Variants in TTC3 observed in about 807,000 individuals in gnomAD.
TTC3 encodes E3 ubiquitin-protein ligase TTC3.
Under a neutral mutation model 249.6 loss-of-function variants are expected in TTC3, and 180 were observed. The observed-to-expected ratio is 0.72, with a 90% CI of 0.64 to 0.82. The LOEUF is 0.82. Among genes scored for constraint, TTC3 ranks in the 40% least tolerant of loss-of-function variants. TTC3 has a pLI of 0.00. For missense variants in TTC3, 2,061 were observed against 2,398.4 expected, an observed-to-expected ratio of 0.86 and a Z score of 2.94; for synonymous variants, 717 against 805.0, an observed-to-expected ratio of 0.89 and a Z score of 1.85.
chr21:37,160,180 A>T (rs537434842), intron 29 of TTC3, among the ~76,000 whole-genome samples: 3 of 152,252 alleles, frequency 2.0e-5, no homozygotes, highest in Non-Finnish European at 4.4e-5. Context: ...AGTAGTTTGC[A>T]GTTGCCTTTT....
intron 1 of TTC3, chr21:37,083,157 C>T: frequency 1.0e-6 from 1 of 985,256 alleles, no homozygotes; most frequent in Non-Finnish European, 1.2e-6. Flanking sequence ...GAAATGCTTC[C>T]TGAAATTGAG....
Position 37,106,157 on chromosome 21 carries a change from A to G in TTC3, c.846-2235A>G, listed in dbSNP as rs554409156. On this transcript the variant is annotated intron_variant, in intron 10 of 45. Transcript: ENST00000355666. ...GTGATTATAATTTGTATTTTCATAA[A>G]TTGATTAAGGATGTTTCAGATTTTC... 1.5e-3 allele frequency among the ~76,000 whole-genome samples: 223 copies of G among 152,250 alleles called. 2 individuals are homozygous for G. The highest frequency in any genetic ancestry group is 4.9e-3 in the African/African-American group (204 of 41,554).
At chr21:37,125,021 T>C (rs761681513) in intron 14 of TTC3, among the ~76,000 whole-genome samples, 1 of 152,246 alleles carries the variant, frequency 6.6e-6, no homozygotes, top group Non-Finnish European at 1.5e-5. Context: ...TTGTATCTTT[T>C]CCCTTCGGTT....
At chr21:37,093,550 A>T (rs1260928107) in intron 7 of TTC3, 1 of 152,788 alleles carries the variant, frequency 6.5e-6, no homozygotes, top group Non-Finnish European at 1.5e-5. Context: ...CTTTATATTA[A>T]ATAGATTGTA....
At chr21:37,149,925 C>T (rs568687523) in intron 23 of TTC3, among the ~76,000 whole-genome samples, 153 bp from the exon 24 acceptor site, 71 of 152,236 alleles carry the variant, frequency 4.7e-4, no homozygotes, top group Admixed American at 4.5e-3. Flanking sequence ...CCTTAAAATT[C>T]GCATGGCAGT....
chr21:37,146,758 A>C (rs73393130), intron 21 of TTC3, among the ~76,000 whole-genome samples: 9,592 of 152,184 alleles, frequency 0.063, 1,027 homozygotes, highest in African/African-American at 0.22. Flanking sequence ...AAATGTTCTA[A>C]ATTTAGACCG....
chr21:37,126,002 AT>A, intron 14 of TTC3, 77 bp from the exon 15 acceptor site: 1 of 1,376,222 alleles, frequency 7.3e-7, no homozygotes, highest in Non-Finnish European at 9.9e-7. Flanking sequence ...TCTATTCTAA[AT>A]TCTTTTATAT....
rs1039320372 is a variant in TTC3 at position 37,167,433 on chromosome 21, A to C, written c.4402-122A>C. On this transcript the variant is annotated intron_variant, in intron 33 of 45. Coordinates refer to ENST00000355666, the Ensembl canonical transcript of TTC3. ...ATGTTTACGGAAAGCATGGAACATG[A>C]TCTAAATGGGAAAAAAAACTTGAAA... 5.3e-5 allele frequency: 28 copies of C among 523,420 alleles called. No individual in the cohort carries two copies. The African/African-American group carries it at 1.1e-3, about 20-fold the overall frequency. 32.4% of individuals were successfully genotyped at this position (523,420 alleles called of 1,614,324 possible). A position where few individuals can be genotyped will look rare whatever the true frequency, so the allele number is the denominator to read the frequency against.
rs372384613 is a variant in TTC3 at position 37,151,930 on chromosome 21, A to G, written c.2314A>G (p.Lys772Glu). The G allele has an allele frequency of 7.9e-5, 127 of 1,604,988 alleles. No homozygotes were observed. Among genetic ancestry groups the G allele is most frequent in the Admixed American group, 1.7e-5 (1 of 57,596 alleles). The change falls in exon 26 of 46, where the codon AAG becomes GAG. Residue 772 changes from lysine (K) to glutamate (E), a missense_variant. Physicochemically the swap from Lys to Glu is moderately conservative, Grantham distance 56 (BLOSUM62 1). Around this residue, in one of 3 missense-constraint regions of TTC3, gnomAD observed 989 missense variants for 1,145.1 expected, o/e 0.86. Transcript: ENST00000355666. Reference sequence around the variant, plus strand: ...AAGACTGAAAGAAGACAAAAAATTGAAGAGAAAGATCCAAAAAAAAGAAGC... The same window carrying G: ...AAGACTGAAAGAAGACAAAAAATTGGAGAGAAAGATCCAAAAAAAAGAAGC...
At chr21:37,110,813 G>A (rs1601508002) in intron 11 of TTC3, among the ~76,000 whole-genome samples, 2 of 152,030 alleles carry the variant, frequency 1.3e-5, no homozygotes, top group South Asian at 4.2e-4. Flanking sequence ...GAGAAAGGTC[G>A]GGTTACCCAC....
rs147240745 is a variant in TTC3, at chr21:37,180,229, A to C, written c.4618-2545A>C. ...TATTTTCTCTTTGACCTTGTCTGCC[A>C]GAAAGTTTTCATGTTATTTCTAAAG... On this transcript the variant is annotated intron_variant, in intron 35 of 45. Coordinates refer to ENST00000355666, the Ensembl canonical transcript of TTC3. Among the ~76,000 whole-genome samples, 223 of 152,304 alleles carry C rather than the reference A, an allele frequency of 1.5e-3. 2 individuals are homozygous for C. The highest frequency in any genetic ancestry group is 4.9e-3 in the African/African-American group (204 of 41,586).
chr21:37,180,346 C>T (rs2082638131), intron 35 of TTC3, among the ~76,000 whole-genome samples: 1 of 151,856 alleles, frequency 6.6e-6, no homozygotes. Context: ...TTTTCTTTAT[C>T]TGCTTAGCAT....
intron 1 of TTC3, chr21:37,082,728 T>A: frequency 2.0e-6 from 2 of 985,240 alleles, no homozygotes; most frequent in Non-Finnish European, 2.4e-6. Flanking sequence ...TTTTTTTTAA[T>A]CTAGGATATA....
chr21:37,156,948 A>C (rs768400601), intron 28 of TTC3, 42 bp downstream of exon 28: 1 of 1,585,484 alleles, frequency 6.3e-7, no homozygotes, highest in East Asian at 2.2e-5. Context: ...TTTAATCTTA[A>C]GGGGGAAAAA....
At chr21:37,163,019 A>G (rs1381026407) in intron 31 of TTC3, among the ~76,000 whole-genome samples, 1 of 152,252 alleles carries the variant, frequency 6.6e-6, no homozygotes, top group Non-Finnish European at 1.5e-5. Context: ...ACACCATCAC[A>G]TTGGTGATTA....
intron 10 of TTC3, among the ~76,000 whole-genome samples, chr21:37,102,526 C>T (rs1321968107): frequency 6.6e-6 from 1 of 152,148 alleles, no homozygotes; most frequent in African/African-American, 2.4e-5. Context: ...GGCCTTAAGT[C>T]TGATAGTCAA....
chr21:37,091,737 A>G (rs2073304628), intron 7 of TTC3: 1 of 154,400 alleles, frequency 6.5e-6, no homozygotes, highest in South Asian at 2.0e-4. Flanking sequence ...GCCTGCTACC[A>G]CGCCTGGCTA....
chr21:37,131,347 T>C lies in TTC3; in HGVS notation c.1359-1335T>C, dbSNP rs373284482. ...CACCAATGGCCAGTGGTTGATTTAATTGTACCTACATACCTACATAATGAA... is the reference window on the plus strand; with the variant it reads ...CACCAATGGCCAGTGGTTGATTTAACTGTACCTACATACCTACATAATGAA... On this transcript the variant is annotated intron_variant, in intron 16 of 45. Coordinates refer to ENST00000355666, the Ensembl canonical transcript of TTC3. Among the ~76,000 whole-genome samples, 112 of 152,280 alleles carry C rather than the reference T, an allele frequency of 7.4e-4. No individual in the cohort carries two copies. In the South Asian group the frequency reaches 0.022, roughly 30 times the overall value.
chr21:37,120,357 T>G (rs1003721), intron 11 of TTC3, among the ~76,000 whole-genome samples: 66,140 of 152,070 alleles, frequency 0.43, 15,192 homozygotes, highest in Non-Finnish European at 0.52. Flanking sequence ...ACATTATGTT[T>G]TATAGGGTTC....
Sources: allele counts gnomAD v4.1 joint callset (sites outside exome capture counted in the v4.1 genomes callset), GRCh38; gene constraint gnomAD v4.1.1; regional missense constraint gnomAD v4.1.1; transcripts MANE v1.5; gene names NCBI Gene and HGNC (gene_info 2026-07-23, HGNC 2026-07-21).